The following AUTS2 variants were observed in gnomAD, a reference collection of about 807,000 sequenced individuals.
AUTS2 encodes the protein activator of transcription and developmental regulator AUTS2.
A neutral mutation model predicts 112.4 loss-of-function variants in AUTS2; 17 were observed. The ratio of observed to expected loss-of-function variants is 0.15; its 90% CI spans 0.10 to 0.23. The LOEUF (loss-of-function observed/expected upper bound fraction) is 0.23, where lower values mean the gene tolerates loss of function less well. AUTS2 is among the 10% of genes least tolerant of loss of function. The pLI, the probability that AUTS2 is intolerant of heterozygous loss-of-function variation, is 1.00. For synonymous variants in AUTS2, 751 were observed against 702.7 expected (o/e 1.07, Z -1.09); for missense variants, 1,510 against 1,701.6 (o/e 0.89, Z 1.98).
intron 1 of AUTS2, among the ~76,000 whole-genome samples, chr7:69,775,760 AT>A (rs969198369): frequency 2.0e-5 from 3 of 152,164 alleles, no homozygotes; most frequent in African/African-American, 7.2e-5. Flanking sequence ...AGCTGCTAGC[AT>A]TTCTGTCAGT....
At chr7:69,731,744 G>T (rs763657863) in intron 1 of AUTS2, among the ~76,000 whole-genome samples, 3 of 152,178 alleles carry the variant, frequency 2.0e-5, no homozygotes, top group Non-Finnish European at 1.5e-5. Flanking sequence ...CTTCATGCCA[G>T]TGTCTTTGTA....
chr7:70,478,635 C>T (rs776233833), intron 5 of AUTS2, among the ~76,000 whole-genome samples: 3 of 152,270 alleles, frequency 2.0e-5, no homozygotes, highest in Non-Finnish European at 4.4e-5. Flanking sequence ...CCACCTCTTT[C>T]GTTCAAGACC....
chr7:69,953,905 G>C (rs777879385), intron 2 of AUTS2, among the ~76,000 whole-genome samples: 7 of 151,990 alleles, frequency 4.6e-5, no homozygotes, highest in Non-Finnish European at 1.0e-4. Flanking sequence ...GCCTTCCCCT[G>C]CATCTGTCTG....
At chr7:69,843,426 T>C (rs1306790325) in intron 1 of AUTS2, among the ~76,000 whole-genome samples, 2 of 152,022 alleles carry the variant, frequency 1.3e-5, no homozygotes, top group African/African-American at 2.4e-5. Context: ...AGGTCAAAAT[T>C]TAGGAAGTCT....
At chr7:70,720,464 T>C (rs1340059061) in intron 6 of AUTS2, among the ~76,000 whole-genome samples, 1 of 152,146 alleles carries the variant, frequency 6.6e-6, no homozygotes, top group Non-Finnish European at 1.5e-5. Flanking sequence ...TTCAGCATTC[T>C]TCCCCACGGG....
chr7:69,898,351 G>C (rs1235527960), intron 1 of AUTS2, among the ~76,000 whole-genome samples: 1 of 152,136 alleles, frequency 6.6e-6, no homozygotes, highest in African/African-American at 2.4e-5. Context: ...TTATTGCTTA[G>C]TGTGTGCATC....
intron 1 of AUTS2, among the ~76,000 whole-genome samples, chr7:69,741,272 A>G (rs1315707074): frequency 2.0e-5 from 3 of 152,148 alleles, no homozygotes; most frequent in Admixed American, 6.5e-5. Context: ...CTGGATTCGA[A>G]TCTGGGCACC....
intron 1 of AUTS2, among the ~76,000 whole-genome samples, chr7:69,625,665 C>T (rs570676951): frequency 6.6e-6 from 1 of 151,976 alleles, no homozygotes; most frequent in East Asian, 1.9e-4. Context: ...TTGAGACCAG[C>T]CTGGGAAAAA....
intron 1 of AUTS2, among the ~76,000 whole-genome samples, chr7:69,618,708 C>G (rs1243416412): frequency 1.3e-5 from 2 of 152,114 alleles, no homozygotes; most frequent in African/African-American, 4.8e-5. Flanking sequence ...GAAATATTTT[C>G]TAGGTATGGA....
chr7:70,528,648 A>T (rs1172636761), intron 5 of AUTS2, among the ~76,000 whole-genome samples: 1 of 152,118 alleles, frequency 6.6e-6, no homozygotes, highest in Non-Finnish European at 1.5e-5. Flanking sequence ...ACAGTGGCAC[A>T]CGCCTCTAGT....
chr7:70,579,666 T>C lies in AUTS2; in HGVS notation c.691-118903T>C, dbSNP rs190466431. Reference sequence around the variant, plus strand: ...CTTTTCAAGCTTTCCTTCCAGTGGTTTGTAGACTGCTTTCTCCTGACATGA... The same window carrying C: ...CTTTTCAAGCTTTCCTTCCAGTGGTCTGTAGACTGCTTTCTCCTGACATGA... On this transcript the variant is annotated intron_variant, in intron 5 of 18. Coordinates refer to ENST00000342771, the MANE Select transcript of AUTS2 (RefSeq NM_015570.4). 1.2e-3 allele frequency among the ~76,000 whole-genome samples: 179 copies of C among 152,328 alleles called. 1 individual carries two copies. The highest frequency in any genetic ancestry group is 0.011 in the South Asian group (55 of 4,824).
chr7:69,707,900 G>A (rs1435812032), intron 1 of AUTS2, among the ~76,000 whole-genome samples: 2 of 152,176 alleles, frequency 1.3e-5, no homozygotes, highest in Non-Finnish European at 2.9e-5. Flanking sequence ...TGTTCGTTCA[G>A]TCGTGTATCA....
At chr7:69,900,892 GC>G (rs1794942481) in intron 2 of AUTS2, among the ~76,000 whole-genome samples, 1 of 152,138 alleles carries the variant, frequency 6.6e-6, no homozygotes. Context: ...TGCATACTAT[GC>G]TACATTCAGT....
chr7:70,690,413 G>A (rs1808696653), intron 5 of AUTS2, among the ~76,000 whole-genome samples: 1 of 152,116 alleles, frequency 6.6e-6, no homozygotes, highest in African/African-American at 2.4e-5. Flanking sequence ...ATAACGAAAG[G>A]TTCGAGGAAA....
At chr7:70,355,444 G>A (rs921890750) in intron 4 of AUTS2, among the ~76,000 whole-genome samples, 3 of 151,858 alleles carry the variant, frequency 2.0e-5, no homozygotes, top group Admixed American at 1.3e-4. Flanking sequence ...TTCTCCTTAC[G>A]GCGACCCCCT....
chr7:69,824,872 A>G (rs565842207), intron 1 of AUTS2, among the ~76,000 whole-genome samples: 2 of 152,312 alleles, frequency 1.3e-5, no homozygotes, highest in East Asian at 3.9e-4. Context: ...CAAAAGCTGT[A>G]TCTATTTCGG....
At chr7:70,637,134 G>T (rs1015679870) in intron 5 of AUTS2, among the ~76,000 whole-genome samples, 8 of 152,314 alleles carry the variant, frequency 5.3e-5, no homozygotes, top group African/African-American at 1.9e-4. Flanking sequence ...CATTTAGCCT[G>T]GTTCAGCCTG....
chr7:70,451,712 G>T (rs558547930), intron 5 of AUTS2, among the ~76,000 whole-genome samples: 1 of 152,302 alleles, frequency 6.6e-6, no homozygotes, highest in African/African-American at 2.4e-5. Flanking sequence ...AAACAAAGTC[G>T]TAATGCTTTG....
At chr7:70,425,332 C>T (rs1047599283) in intron 4 of AUTS2, among the ~76,000 whole-genome samples, 1 of 152,226 alleles carries the variant, frequency 6.6e-6, no homozygotes, top group Non-Finnish European at 1.5e-5. Flanking sequence ...CTACCCTGAT[C>T]ATGTAATCTA....
Sources: gnomAD v4.1 joint callset for allele counts (sites outside exome capture counted in the v4.1 genomes callset) on GRCh38, gnomAD v4.1.1 for gene constraint, MANE v1.5 for transcripts, NCBI Gene and HGNC (gene_info 2026-07-23, HGNC 2026-07-21) for gene names.